The following COL17A1 variants were observed in gnomAD, a reference collection of about 807,000 sequenced individuals.
COL17A1 encodes the protein collagen alpha-1(XVII) chain.
A neutral mutation model predicts 218.4 loss-of-function variants in COL17A1; 181 were observed. The ratio of observed to expected loss-of-function variants is 0.83; its 90% confidence interval spans 0.73 to 0.94. COL17A1 has a LOEUF of 0.94. Among genes scored for constraint, COL17A1 ranks in the 40% least tolerant of loss-of-function variants. COL17A1 has a pLI of 0.00. For synonymous variants in COL17A1, 721 were observed against 731.0 expected (o/e 0.99, Z 0.22); for missense variants, 1,924 against 1,945.9 (o/e 0.99, Z 0.21).
chr10:104,047,695 C>T lies in COL17A1; in HGVS notation c.2335+44G>A, dbSNP rs770390543. On this transcript the variant is annotated intron_variant, in intron 31 of 55. Transcript: ENST00000648076. ...CCTACATCCACACACACAAAGCACA[C>T]ACACACTAAGCAGGGCCATGGCTCC... is the stretch of plus-strand genomic sequence containing the variant. The T allele has an allele frequency of 2.0e-6, 3 of 1,508,326 alleles. No homozygotes were observed. In the South Asian group the frequency reaches 3.4e-5, roughly 17 times the overall value. 93.4% of individuals were successfully genotyped at this position (1,508,326 alleles called of 1,614,324 possible). A position where few individuals can be genotyped will look rare whatever the true frequency, so the allele number is the denominator to read the frequency against.
At position 104,052,167 on chromosome 10, in the gene COL17A1, C is replaced by T. The variant is rs754166354; in HGVS notation, c.1990G>A (p.Val664Met). The change falls in exon 24 of 56, where the codon GTG becomes ATG. Residue 664 changes from valine to methionine, a missense_variant. Physicochemically the swap from Val to Met is conservative, Grantham distance 21. Transcript: ENST00000648076. Reference protein sequence around the residue: ...PHGPPGVPGSVGPKGSSGSPG... With the variant: ...PHGPPGVPGSMGPKGSSGSPG... ...ACACTGGACTTACCTTTGGGACCCACAGAACCTGGGACACCAGGTGGGCCA... is the reference window on the plus strand; with the variant it reads ...ACACTGGACTTACCTTTGGGACCCATAGAACCTGGGACACCAGGTGGGCCA... 6.2e-7 allele frequency: 1 copy of T among 1,614,134 alleles called. No individual in the cohort carries two copies. The highest frequency in any genetic ancestry group is 1.7e-5 in the Admixed American group (1 of 60,024).
At chr10:104,070,123 C>T (rs1280235898) in intron 9 of COL17A1, among the ~76,000 whole-genome samples, 1 of 152,084 alleles carries the variant, frequency 6.6e-6, no homozygotes, top group Admixed American at 6.5e-5. Context: ...AGGGAATATC[C>T]AATCAATCTA....
At chr10:104,044,791 G>A (rs749359254) in intron 33 of COL17A1, among the ~76,000 whole-genome samples, 2 of 152,162 alleles carry the variant, frequency 1.3e-5, no homozygotes, top group Non-Finnish European at 2.9e-5. Flanking sequence ...GAAGGTTTCT[G>A]TTATTCTTGG....
chr10:104,043,864 G>A lies in COL17A1; in HGVS notation c.2399-4C>T, dbSNP rs2086384954. The A allele has an allele frequency of 6.2e-7, 1 of 1,614,098 alleles. No homozygotes were observed. The highest frequency in any genetic ancestry group is 1.7e-5 in the Admixed American group (1 of 60,006). Reference sequence around the variant, plus strand: ...TTGCCTGGAGCTCCTGGTTCACCTAGGAAGAGAGGAAAAGGCTGAGAGTGG... The same window carrying A: ...TTGCCTGGAGCTCCTGGTTCACCTAAGAAGAGAGGAAAAGGCTGAGAGTGG... On this transcript the variant is annotated splice_polypyrimidine_tract_variant and splice_region_variant and intron_variant, in intron 33 of 55. Coordinates refer to ENST00000648076, the MANE Select transcript of COL17A1 (RefSeq NM_000494.4).
Position 104,032,857 on chromosome 10 carries a change from GGT to G in COL17A1, c.4357+47_4357+48del, listed in dbSNP as rs113554163. 9.5e-4 allele frequency: 1,533 copies of G among 1,612,506 alleles called. 13 individuals are homozygous for G. In the African/African-American group the frequency reaches 0.017, roughly 18 times the overall value. On this transcript the variant is annotated intron_variant, in intron 54 of 55. Transcript: ENST00000648076. ...GCACAGGAGCTGCTTTTCAGTACGA[GGT>G]GGGTGTTAACACAGGATCCAGGGAC...
At chr10:104,049,318 G>C in intron 29 of COL17A1, 91 bp downstream of exon 29, 1 of 1,186,970 alleles carries the variant, frequency 8.4e-7, no homozygotes, top group South Asian at 1.2e-5. Context: ...TTAGAGAGTA[G>C]GAGAGGCAGC....
intron 17 of COL17A1, among the ~76,000 whole-genome samples, chr10:104,056,590 A>AGAG (rs2086530172): frequency 1.3e-5 from 2 of 152,130 alleles, no homozygotes; most frequent in Admixed American, 6.5e-5. Context: ...TCAAAAAAAA[A>AGAG]AAAGAAAGAA....
chr10:104,035,613 C>T (rs1402592665), intron 48 of COL17A1, 50 bp from the exon 49 acceptor site: 1 of 1,448,486 alleles, frequency 6.9e-7, no homozygotes, highest in Admixed American at 1.8e-5. Flanking sequence ...GATGGAAACA[C>T]CTGTCAGAGA....
rs539530758 is a variant in COL17A1 at position 104,085,817 on chromosome 10, T to G, written c.-106A>C. 2 of 152,780 alleles carry G rather than the reference T, an allele frequency of 1.3e-5. No individual in the cohort carries two copies. The highest frequency in any genetic ancestry group is 4.8e-5 in the African/African-American group (2 of 41,588). The allele number at this position is 152,780 out of a possible 1,614,324, so 9.5% of individuals were successfully genotyped here. A position where few individuals can be genotyped will look rare whatever the true frequency, so the allele number is the denominator to read the frequency against. ...GTTTTCTTCTAGAAATTTGCAGTGC[T>G]CACTTTTTTTTTATCCAGACCCAGC... On this transcript the variant is annotated 5_prime_UTR_variant, in exon 1 of 56. Transcript: ENST00000648076.
chr10:104,082,720 A>G (rs1040120459), intron 1 of COL17A1, among the ~76,000 whole-genome samples: 12 of 152,206 alleles, frequency 7.9e-5, no homozygotes, highest in Admixed American at 4.6e-4. Context: ...TCTGTTTGCT[A>G]AGAATACAGT....
chr10:104,038,649 T>C, intron 44 of COL17A1, 121 bp from the exon 45 acceptor site: 1 of 1,282,306 alleles, frequency 7.8e-7, no homozygotes, highest in Non-Finnish European at 1.1e-6. Context: ...AATAGGATAG[T>C]GGCAAGGAGA....
Position 104,080,662 on chromosome 10 carries a change from G to A in COL17A1, c.12C>T (p.Thr4=), listed in dbSNP as rs1322429697. The change falls in exon 2 of 56, where the codon ACC becomes ACT. Residue 4 remains threonine (T), a synonymous_variant. Coordinates refer to ENST00000648076, the MANE Select transcript of COL17A1 (RefSeq NM_000494.4). ...CAGTTCCATCTCGTTTGTTTTTCTT[G>A]GTTACATCCATACCATAGCCACCTG... The part of the protein sequence containing the change: MDV[T]KKNKRDGTEV... The A allele has an allele frequency of 3.1e-6, 5 of 1,612,836 alleles. No homozygotes were observed. Among genetic ancestry groups the A allele is most frequent in the Non-Finnish European group, 4.2e-6 (5 of 1,179,924 alleles).
chr10:104,058,226 C>G, intron 15 of COL17A1, 36 bp from the exon 16 acceptor site: 1 of 1,613,842 alleles, frequency 6.2e-7, no homozygotes, highest in Non-Finnish European at 8.5e-7. Context: ...AGCTTTTAAA[C>G]TGGAGGAGCT....
At chr10:104,046,056 C>T (rs1001910225) in intron 32 of COL17A1, among the ~76,000 whole-genome samples, 2 of 152,202 alleles carry the variant, frequency 1.3e-5, no homozygotes, top group Admixed American at 1.3e-4. Flanking sequence ...GGTTCCATCC[C>T]TTGGGGTTAT....
chr10:104,041,812 G>T (rs2086362289), intron 36 of COL17A1, among the ~76,000 whole-genome samples: 1 of 152,210 alleles, frequency 6.6e-6, no homozygotes, highest in African/African-American at 2.4e-5. Context: ...GTGTCAGAAA[G>T]TCTGAGTTCA....
In COL17A1 at chr10:104,052,147, G is replaced by A; in HGVS notation, c.2002+8C>T. The stretch of plus-strand genomic sequence containing the variant: ...AAACTTTGATTCCTTCCTGCACACT[G>A]GACTTACCTTTGGGACCCACAGAAC... On this transcript the variant is annotated splice_region_variant and intron_variant, in intron 24 of 55. Transcript: ENST00000648076. 6.2e-7 allele frequency: 1 copy of A among 1,614,104 alleles called. No individual in the cohort carries two copies. The highest frequency in any genetic ancestry group is 2.2e-5 in the East Asian group (1 of 44,872).
rs973181118 is a variant in COL17A1 at position 104,035,259 on chromosome 10, C to T, written c.3619+4G>A. On this transcript the variant is annotated splice_donor_region_variant and intron_variant, in intron 50 of 55. Transcript: ENST00000648076. The stretch of plus-strand genomic sequence containing the variant: ...CCTCCCCATCCCACTCCACAGTGCC[C>T]TACTATGTAAGTAAGACGAGAGGTC... The T allele has an allele frequency of 1.2e-6, 2 of 1,611,394 alleles. No homozygotes were observed. The highest frequency in any genetic ancestry group is 1.7e-6 in the Non-Finnish European group (2 of 1,178,338).
At chr10:104,043,752 A>T in intron 34 of COL17A1, 73 bp downstream of exon 34, 1 of 1,584,120 alleles carries the variant, frequency 6.3e-7, no homozygotes, top group Non-Finnish European at 8.7e-7. Context: ...CCTGCCCAGA[A>T]CGCTGCAGAG....
chr10:104,074,009 C>T (rs1334972566), intron 6 of COL17A1, 175 bp downstream of exon 6: 7 of 896,548 alleles, frequency 7.8e-6, no homozygotes, highest in South Asian at 1.5e-5. Context: ...GCTGATAGTC[C>T]CCTTAATATG....
Sources: allele counts gnomAD v4.1 joint callset (sites outside exome capture counted in the v4.1 genomes callset), GRCh38; gene constraint gnomAD v4.1.1; transcripts MANE v1.5; gene names NCBI Gene and HGNC (gene_info 2026-07-23, HGNC 2026-07-21).